DGKB: variants seen among roughly 807,000 people sequenced by gnomAD.
DGKB encodes the protein 90 kDa diacylglycerol kinase.
A neutral mutation model predicts 114.3 loss-of-function variants in DGKB; 67 were observed. That is an observed-to-expected ratio of 0.59 (90% CI 0.48 to 0.72). The LOEUF is 0.72. Among genes scored for constraint, DGKB ranks in the 30% least tolerant of loss-of-function variants. DGKB has a pLI of 0.00. For missense variants in DGKB, 907 were observed against 975.2 expected, an observed-to-expected ratio of 0.93 and a Z score of 0.93; for synonymous variants, 398 against 323.1, an observed-to-expected ratio of 1.23 and a Z score of -2.49.
chr7:14,927,633 T>C (rs1205769517), intron 1 of DGKB, among the ~76,000 whole-genome samples: 3 of 152,044 alleles, frequency 2.0e-5, no homozygotes, highest in African/African-American at 7.2e-5. Context: ...TAAAAAGGTG[T>C]ATTGTTTTCT....
intron 23 of DGKB, among the ~76,000 whole-genome samples, chr7:14,225,201 T>A (rs1790596747): frequency 6.6e-6 from 1 of 152,100 alleles, no homozygotes; most frequent in African/African-American, 2.4e-5. Context: ...CTTTCTGTTT[T>A]GCAGTCTGTT....
At chr7:14,806,419 A>G (rs1193574491) in intron 2 of DGKB, among the ~76,000 whole-genome samples, 2 of 152,106 alleles carry the variant, frequency 1.3e-5, no homozygotes, top group Non-Finnish European at 2.9e-5. Flanking sequence ...AGTTAAGCTC[A>G]TAACATTTAA....
intron 21 of DGKB, among the ~76,000 whole-genome samples, chr7:14,394,303 A>G (rs530231681): frequency 3.7e-4 from 57 of 152,100 alleles, no homozygotes; most frequent in Non-Finnish European, 6.8e-4. Context: ...GCTTAATTGC[A>G]TCTCATTTTT....
chr7:14,383,236 A>T (rs183544727), intron 21 of DGKB, among the ~76,000 whole-genome samples: 1 of 152,294 alleles, frequency 6.6e-6, no homozygotes, highest in African/African-American at 2.4e-5. Flanking sequence ...TTGTCTCTGC[A>T]CACCTTTTTT....
chr7:14,640,581 G>A (rs926255834), intron 13 of DGKB, among the ~76,000 whole-genome samples: 1 of 152,122 alleles, frequency 6.6e-6, no homozygotes, highest in Non-Finnish European at 1.5e-5. Context: ...AGTGGTCATG[G>A]AAAGCTCGAG....
chr7:14,155,397 T>A (rs1584092702), intron 25 of DGKB, among the ~76,000 whole-genome samples: 3 of 151,978 alleles, frequency 2.0e-5, no homozygotes, highest in East Asian at 1.9e-4. Context: ...TGATGGTAGG[T>A]TGTAATATGC....
chr7:14,199,647 T>A (rs1007323345), intron 23 of DGKB, among the ~76,000 whole-genome samples: 8 of 151,958 alleles, frequency 5.3e-5, no homozygotes, highest in Non-Finnish European at 1.2e-4. Context: ...GAGCAAAAAG[T>A]TCAGTGGGAT....
intron 3 of DGKB, among the ~76,000 whole-genome samples, chr7:14,754,728 G>A (rs560425799): frequency 3.5e-4 from 53 of 152,138 alleles, no homozygotes; most frequent in African/African-American, 4.6e-4. Context: ...CTGTAATAAC[G>A]TTCTTAACAT....
chr7:14,678,368 A>T (rs1334407244), intron 12 of DGKB, among the ~76,000 whole-genome samples: 3 of 152,108 alleles, frequency 2.0e-5, no homozygotes, highest in Non-Finnish European at 2.9e-5. Flanking sequence ...ATTAGCGTCA[A>T]GAAAAATTTC....
At chr7:14,946,820 C>G (rs956486091) in intron 1 of DGKB, among the ~76,000 whole-genome samples, 1 of 151,760 alleles carries the variant, frequency 6.6e-6, no homozygotes, top group African/African-American at 2.4e-5. Context: ...TAAGATTCCT[C>G]TAACATTTGA....
At chr7:14,925,516 G>C (rs929096041) in intron 1 of DGKB, among the ~76,000 whole-genome samples, 14 of 152,064 alleles carry the variant, frequency 9.2e-5, no homozygotes, top group African/African-American at 3.4e-4. Context: ...TTATTATGTT[G>C]AGTTGTCTAA....
chr7:14,957,829 T>C (rs999347857), intron 1 of DGKB, among the ~76,000 whole-genome samples: 5 of 152,096 alleles, frequency 3.3e-5, no homozygotes, highest in African/African-American at 1.2e-4. Context: ...ATAAAGTAAA[T>C]GGATTCATTT....
intron 25 of DGKB, among the ~76,000 whole-genome samples, chr7:14,164,230 C>A (rs372713029): frequency 1.3e-5 from 2 of 152,100 alleles, no homozygotes; most frequent in South Asian, 4.1e-4. Context: ...TAAAAATACA[C>A]GTTCTTCTGT....
At chr7:14,968,651 A>G (rs1787299353) in intron 1 of DGKB, among the ~76,000 whole-genome samples, 1 of 152,176 alleles carries the variant, frequency 6.6e-6, no homozygotes, top group African/African-American at 2.4e-5. Flanking sequence ...TTACAAGGCC[A>G]CAGGGAGAGA....
At chr7:14,929,022 TAC>T (rs3036022) in intron 1 of DGKB, among the ~76,000 whole-genome samples, 12,278 of 146,370 alleles carry the variant, frequency 0.084, 701 homozygotes, top group African/African-American at 0.18. Context: ...GCATTGTGTA[TAC>T]ACACACACAC....
At chr7:14,680,293 G>A (rs939117648) in intron 12 of DGKB, among the ~76,000 whole-genome samples, 13 of 152,028 alleles carry the variant, frequency 8.6e-5, no homozygotes, top group African/African-American at 9.6e-5. Context: ...TTGCCATAAT[G>A]ACAAACAAAA....
At chr7:14,337,037 A>G (rs564947429) in intron 23 of DGKB, among the ~76,000 whole-genome samples, 1 of 152,342 alleles carries the variant, frequency 6.6e-6, no homozygotes, top group African/African-American at 2.4e-5. Context: ...GTACATACGT[A>G]GTACCTAATA....
chr7:14,158,650 A>C (rs1055689941), intron 25 of DGKB, among the ~76,000 whole-genome samples: 1 of 152,188 alleles, frequency 6.6e-6, no homozygotes, highest in Non-Finnish European at 1.5e-5. Context: ...CTTATCCACA[A>C]AAAAATTGCC....
chr7:14,456,254 A>C (rs2030052314), intron 21 of DGKB, among the ~76,000 whole-genome samples: 1 of 152,032 alleles, frequency 6.6e-6, no homozygotes, highest in African/African-American at 2.4e-5. Flanking sequence ...AATATCCCAA[A>C]ATATAAAAAA....
Sources: allele counts gnomAD v4.1 joint callset (sites outside exome capture counted in the v4.1 genomes callset), GRCh38; gene constraint gnomAD v4.1.1; transcripts MANE v1.5; gene names NCBI Gene and HGNC (gene_info 2026-07-23, HGNC 2026-07-21).